ZNRF2: variants seen among roughly 807,000 people sequenced by gnomAD.
ZNRF2 encodes zinc and ring finger 2.
Under a neutral mutation model 20.4 loss-of-function variants are expected in ZNRF2, and 16 were observed. The observed-to-expected ratio is 0.79, with a 90% CI of 0.53 to 1.19. The LOEUF is 1.19. ZNRF2 is among the 50% of genes most tolerant of loss of function. ZNRF2 has a pLI of 0.00. For synonymous variants in ZNRF2, 178 were observed against 144.9 expected (o/e 1.23, Z -1.64); for missense variants, 363 against 332.4 (o/e 1.09, Z -0.72).
chr7:30,350,249 G>T (rs17158885), intron 2 of ZNRF2, among the ~76,000 whole-genome samples: 2 of 151,832 alleles, frequency 1.3e-5, no homozygotes, highest in South Asian at 2.1e-4. Flanking sequence ...ACCGAATTTC[G>T]ATTTCCAGAA....
chr7:30,326,954 C>G (rs949674071), intron 2 of ZNRF2, among the ~76,000 whole-genome samples: 4 of 151,956 alleles, frequency 2.6e-5, no homozygotes, highest in African/African-American at 9.7e-5. Flanking sequence ...GTGTTCATCT[C>G]CTTTGCACAT....
intron 2 of ZNRF2, among the ~76,000 whole-genome samples, chr7:30,325,131 G>A (rs1799533225): frequency 6.6e-6 from 1 of 152,114 alleles, no homozygotes; most frequent in Non-Finnish European, 1.5e-5. Flanking sequence ...ATAGACTTGG[G>A]GGGGAAAAAT....
At chr7:30,330,040 A>G (rs1799613007) in intron 2 of ZNRF2, among the ~76,000 whole-genome samples, 1 of 152,304 alleles carries the variant, frequency 6.6e-6, no homozygotes, top group Admixed American at 6.5e-5. Context: ...TGATGTAGCA[A>G]ATTCTTAGTC....
intron 4 of ZNRF2, among the ~76,000 whole-genome samples, chr7:30,365,337 A>C (rs1157337947): frequency 6.6e-6 from 1 of 152,018 alleles, no homozygotes; most frequent in Non-Finnish European, 1.5e-5. Context: ...CTTATGTTAC[A>C]TATGAGTGTT....
intron 1 of ZNRF2, among the ~76,000 whole-genome samples, chr7:30,299,047 G>A (rs947181549): frequency 3.3e-5 from 5 of 152,106 alleles, no homozygotes; most frequent in African/African-American, 1.2e-4. Flanking sequence ...TTTGGACTGA[G>A]CAGAAACTAA....
chr7:30,301,233 A>G (rs570209781), intron 1 of ZNRF2, among the ~76,000 whole-genome samples: 1 of 152,272 alleles, frequency 6.6e-6, no homozygotes, highest in African/African-American at 2.4e-5. Flanking sequence ...CTGTAATCCT[A>G]CCACTTTGGG....
chr7:30,290,001 T>G (rs553182974), intron 1 of ZNRF2: 1 of 448,118 alleles, frequency 2.2e-6, no homozygotes, highest in East Asian at 6.5e-5. Context: ...ATTATTTGGG[T>G]TTTAAGGAGA....
At chr7:30,354,511 C>T (rs1274296767) in intron 2 of ZNRF2, among the ~76,000 whole-genome samples, 1 of 152,090 alleles carries the variant, frequency 6.6e-6, no homozygotes, top group South Asian at 2.1e-4. Flanking sequence ...AGAACCACTT[C>T]TTATAGAATG....
chr7:30,299,991 A>G (rs989230375), intron 1 of ZNRF2, among the ~76,000 whole-genome samples: 7 of 151,584 alleles, frequency 4.6e-5, no homozygotes, highest in African/African-American at 1.5e-4. Context: ...TCACTGTGTT[A>G]GCCAGGATGG....
chr7:30,296,305 G>C (rs1217756762), intron 1 of ZNRF2, among the ~76,000 whole-genome samples: 1 of 152,162 alleles, frequency 6.6e-6, no homozygotes, highest in Non-Finnish European at 1.5e-5. Context: ...ATTATACTGT[G>C]CTTATAGCTC....
chr7:30,287,704 A>G (rs989971417), intron 1 of ZNRF2, among the ~76,000 whole-genome samples: 11 of 151,744 alleles, frequency 7.2e-5, no homozygotes, highest in Non-Finnish European at 1.2e-4. Context: ...ACTGGGGCCT[A>G]GTAGTACAGT....
chr7:30,328,123 A>G (rs1033769198), intron 2 of ZNRF2, among the ~76,000 whole-genome samples: 4 of 152,102 alleles, frequency 2.6e-5, no homozygotes, highest in African/African-American at 4.8e-5. Flanking sequence ...TTCTAATGCC[A>G]CCTGGTTTTA....
At chr7:30,329,766 T>C (rs144685417) in intron 2 of ZNRF2, among the ~76,000 whole-genome samples, 200 of 152,312 alleles carry the variant, frequency 1.3e-3, no homozygotes, top group African/African-American at 4.5e-3. Context: ...GCAGTAAACA[T>C]GGGAGTGCAG....
intron 2 of ZNRF2, among the ~76,000 whole-genome samples, chr7:30,327,087 G>T (rs932044561): frequency 3.9e-5 from 6 of 152,076 alleles, no homozygotes; most frequent in African/African-American, 1.4e-4. Context: ...TAGGTTGTCT[G>T]TTCACTTTGT....
chr7:30,301,011 A>G (rs868550213), intron 1 of ZNRF2, among the ~76,000 whole-genome samples: 3 of 152,216 alleles, frequency 2.0e-5, no homozygotes, highest in African/African-American at 7.2e-5. Context: ...TATAGTTGTT[A>G]CAACAATCAG....
rs1453688364 is a variant in ZNRF2 at position 30,285,179 on chromosome 7, C to G, written c.-179C>G. The G allele has an allele frequency of 9.1e-6, 4 of 441,918 alleles. No individual in the cohort carries two copies. The highest frequency in any genetic ancestry group is 1.6e-5 in the Non-Finnish European group (4 of 252,900). The allele number at this position is 441,918 out of a possible 1,614,324, so 27.4% of individuals were successfully genotyped here. A position where few individuals can be genotyped will look rare whatever the true frequency, so the allele number is the denominator to read the frequency against. ...AGGCCGTCGGCCTCGCCCGCCGCCC[C>G]AAGAAGAGCGCGCCGGGCGCCGACT... On this transcript the variant is annotated 5_prime_UTR_variant, in exon 1 of 5. Coordinates refer to ENST00000323037, the MANE Select transcript of ZNRF2 (RefSeq NM_147128.4).
At chr7:30,327,583 A>G (rs1250282134) in intron 2 of ZNRF2, among the ~76,000 whole-genome samples, 4 of 152,124 alleles carry the variant, frequency 2.6e-5, no homozygotes, top group Non-Finnish European at 5.9e-5. Context: ...CGAATTTTAA[A>G]TATTTAACAG....
intron 2 of ZNRF2, among the ~76,000 whole-genome samples, chr7:30,344,620 A>G (rs1225360517): frequency 6.6e-6 from 1 of 152,128 alleles, no homozygotes; most frequent in South Asian, 2.1e-4. Context: ...TACTTTATAC[A>G]TTATCTAATC....
chr7:30,335,525 C>T (rs757388161), intron 2 of ZNRF2, among the ~76,000 whole-genome samples: 15 of 152,070 alleles, frequency 9.9e-5, no homozygotes, highest in Non-Finnish European at 2.1e-4. Flanking sequence ...CATCTGTCCG[C>T]AGTTTTACCC....
Sources: gnomAD v4.1 joint callset for allele counts (sites outside exome capture counted in the v4.1 genomes callset) on GRCh38, gnomAD v4.1.1 for gene constraint, MANE v1.5 for transcripts, NCBI Gene and HGNC (gene_info 2026-07-23, HGNC 2026-07-21) for gene names.